ZNF670: variants seen among roughly 807,000 people sequenced by gnomAD.
ZNF670 encodes the protein zinc finger protein 670.
A neutral mutation model predicts 10.9 loss-of-function variants in ZNF670; 7 were observed. That is an observed-to-expected ratio of 0.64 (90% CI 0.36 to 1.20). The LOEUF (loss-of-function observed/expected upper bound fraction) is 1.20, where lower values mean the gene tolerates loss of function less well. Ranked by LOEUF, ZNF670 falls within the 50% of genes most tolerant of loss-of-function variation. The probability of loss-of-function intolerance (pLI) is 0.02; values close to 1 mark genes in which losing one functional copy is unlikely to be tolerated. For missense variants in ZNF670, 446 were observed against 458.6 expected (o/e 0.97, Z 0.25); for synonymous variants, 136 against 152.7 (o/e 0.89, Z 0.81).
intron 1 of ZNF670, among the ~76,000 whole-genome samples, chr1:247,056,976 C>A (rs1388343561): frequency 3.3e-5 from 5 of 152,102 alleles, no homozygotes; most frequent in Non-Finnish European, 5.9e-5. Flanking sequence ...GCACAGGAGA[C>A]CAAACCAAAC....
intron 1 of ZNF670, among the ~76,000 whole-genome samples, chr1:247,065,612 G>C (rs978654971): frequency 2.0e-5 from 3 of 152,138 alleles, no homozygotes; most frequent in African/African-American, 7.2e-5. Context: ...TATGTTTAAA[G>C]GGGGGAGGGG....
intron 1 of ZNF670, among the ~76,000 whole-genome samples, chr1:247,048,935 G>A (rs963498593): frequency 6.6e-6 from 1 of 152,080 alleles, no homozygotes; most frequent in Non-Finnish European, 1.5e-5. Context: ...GGTCTGTTTA[G>A]AGTTTCTATT....
At chr1:247,074,936 C>T (rs1175635798) in intron 1 of ZNF670, among the ~76,000 whole-genome samples, 1 of 152,182 alleles carries the variant, frequency 6.6e-6, no homozygotes, top group Non-Finnish European at 1.5e-5. Flanking sequence ...AAATTACACC[C>T]TTAAAAAGGG....
intron 1 of ZNF670, among the ~76,000 whole-genome samples, chr1:247,069,330 C>CA (rs1410859726): frequency 6.7e-6 from 1 of 149,520 alleles, no homozygotes; most frequent in Non-Finnish European, 1.5e-5. Flanking sequence ...TTAAAGAAGA[C>CA]AAAAAAAGGT....
At position 247,036,109 on chromosome 1, in the gene ZNF670, T is replaced by C. The variant is rs1670143587; in HGVS notation, c.*1340A>G. On this transcript the variant is annotated 3_prime_UTR_variant, in exon 4 of 4. Coordinates refer to ENST00000366503, the MANE Select transcript of ZNF670 (RefSeq NM_033213.5). ...TAATATATTTATATCTGAAAGCCAGTTAACGTAATAGACTATCAGTAGAAT... is the reference window on the plus strand; with the variant it reads ...TAATATATTTATATCTGAAAGCCAGCTAACGTAATAGACTATCAGTAGAAT... Among the ~76,000 whole-genome samples, 1 of 152,102 alleles carries C rather than the reference T, an allele frequency of 6.6e-6. No individual in the cohort carries two copies. The highest frequency in any genetic ancestry group is 6.6e-5 in the Admixed American group (1 of 15,266).
rs180802790 is a variant in ZNF670 at position 247,073,646 on chromosome 1, T to C, written c.3+4948A>G. On this transcript the variant is annotated intron_variant, in intron 1 of 3. Coordinates refer to ENST00000366503, the MANE Select transcript of ZNF670 (RefSeq NM_033213.5). ...AGTCCTTTTTCTGATACCAAATGTG[T>C]GGACTTTGCTGAACACCAACCAATT... 3.0e-3 allele frequency among the ~76,000 whole-genome samples: 453 copies of C among 152,294 alleles called. 5 individuals carry two copies. Among genetic ancestry groups the C allele is most frequent in the African/African-American group, 0.011 (437 of 41,548 alleles).
chr1:247,074,817 C>T (rs529615374), intron 1 of ZNF670, among the ~76,000 whole-genome samples: 2 of 152,314 alleles, frequency 1.3e-5, no homozygotes, highest in Admixed American at 1.3e-4. Context: ...TCACCTCCTG[C>T]TGCATGGCCT....
Position 247,038,370 on chromosome 1 carries a change from G to A in ZNF670, c.249C>T (p.Thr83=), listed in dbSNP as rs2103050908. 3 of 1,613,878 alleles carry A rather than the reference G, an allele frequency of 1.9e-6. No individual in the cohort carries two copies. Among genetic ancestry groups the A allele is most frequent in the Non-Finnish European group, 2.5e-6 (3 of 1,179,966 alleles). The change falls in exon 4 of 4, where the codon ACC becomes ACT. Residue 83 remains threonine, a synonymous_variant. Coordinates refer to ENST00000366503, the MANE Select transcript of ZNF670 (RefSeq NM_033213.5). Reference sequence around the variant, plus strand: ...GATTCAAATTTGAATCCTGGCTGAAGGTTTCTCCATATTGACTGCCTTCTT... The same window carrying A: ...GATTCAAATTTGAATCCTGGCTGAAAGTTTCTCCATATTGACTGCCTTCTT... ...EIKEGSQYGE[T]FSQDSNLNLN... is the part of the protein sequence containing the mutation.
chr1:247,059,303 G>A (rs150578020), intron 1 of ZNF670, among the ~76,000 whole-genome samples: 4,117 of 151,730 alleles, frequency 0.027, 197 homozygotes, highest in African/African-American at 0.092. Flanking sequence ...AAAATTAGCC[G>A]GGCGTGGTGG....
Position 247,036,623 on chromosome 1 carries a change from A to G in ZNF670, c.*826T>C, listed in dbSNP as rs1037939790. On this transcript the variant is annotated 3_prime_UTR_variant, in exon 4 of 4. Transcript: ENST00000366503. ...GCTGCAGTGAGCTAAGACTATTATT[A>G]CCACTACACTTCAGCCTAGCTGACA... 6.6e-6 allele frequency among the ~76,000 whole-genome samples: 1 copy of G among 152,206 alleles called. No individual in the cohort carries two copies. Among genetic ancestry groups the G allele is most frequent in the Admixed American group, 6.5e-5 (1 of 15,284 alleles).
rs1350068996 is a variant in ZNF670 at position 247,078,575 on chromosome 1, A to T, written c.3+19T>A. On this transcript the variant is annotated intron_variant, in intron 1 of 3. Coordinates refer to ENST00000366503, the MANE Select transcript of ZNF670 (RefSeq NM_033213.5). Reference sequence around the variant, plus strand: ...GGTTCCCTTTTCCCCTTCCCGAGACACCTGGCCGGCACACTCACCATTTCC... The same window carrying T: ...GGTTCCCTTTTCCCCTTCCCGAGACTCCTGGCCGGCACACTCACCATTTCC... 6.2e-7 allele frequency: 1 copy of T among 1,613,060 alleles called. No individual in the cohort carries two copies. Among genetic ancestry groups the T allele is most frequent in the South Asian group, 1.1e-5 (1 of 90,984 alleles).
At chr1:247,064,242 C>A (rs1320613793) in intron 1 of ZNF670, among the ~76,000 whole-genome samples, 1 of 152,224 alleles carries the variant, frequency 6.6e-6, no homozygotes, top group East Asian at 1.9e-4. Flanking sequence ...CTGGAACCTC[C>A]TTGATCAGAG....
At chr1:247,077,286 C>T (rs1264586813) in intron 1 of ZNF670, among the ~76,000 whole-genome samples, 2 of 152,174 alleles carry the variant, frequency 1.3e-5, no homozygotes, top group Admixed American at 6.5e-5. Flanking sequence ...GCTCTACTTC[C>T]ATATTTTAAA....
chr1:247,058,567 C>T (rs1051772509), intron 1 of ZNF670, among the ~76,000 whole-genome samples: 1 of 151,934 alleles, frequency 6.6e-6, no homozygotes, highest in African/African-American at 2.4e-5. Flanking sequence ...AGAAAATCAA[C>T]AATAACAAAA....
At chr1:247,067,436 A>C (rs113009878) in intron 1 of ZNF670, among the ~76,000 whole-genome samples, 179 of 58,350 alleles carry the variant, frequency 3.1e-3, no homozygotes, top group African/African-American at 0.014. Flanking sequence ...ATCCCGTCTC[A>C]AAAAAAAAAA....
At chr1:247,042,490 G>C (rs1354024588) in intron 1 of ZNF670, among the ~76,000 whole-genome samples, 1 of 152,224 alleles carries the variant, frequency 6.6e-6, no homozygotes, top group Non-Finnish European at 1.5e-5. Flanking sequence ...TTTGAATGAG[G>C]AAGAAAAGGA....
intron 1 of ZNF670, among the ~76,000 whole-genome samples, chr1:247,057,476 C>T (rs907693877): frequency 5.3e-5 from 8 of 152,134 alleles, no homozygotes; most frequent in Admixed American, 5.2e-4. Flanking sequence ...TGACGGCAAT[C>T]CCACTCCTAG....
At chr1:247,042,310 G>A (rs114183413) in intron 1 of ZNF670, among the ~76,000 whole-genome samples, 63 of 152,330 alleles carry the variant, frequency 4.1e-4, no homozygotes, top group African/African-American at 1.4e-3. Context: ...AAGTCATTGC[G>A]AGAGAAGACA....
intron 1 of ZNF670, among the ~76,000 whole-genome samples, chr1:247,057,766 G>A (rs923451728): frequency 1.3e-5 from 2 of 152,150 alleles, no homozygotes; most frequent in Non-Finnish European, 2.9e-5. Context: ...TCACTTACTT[G>A]TGAGAACTGA....
Sources: gnomAD v4.1 joint callset for allele counts (sites outside exome capture counted in the v4.1 genomes callset) on GRCh38, gnomAD v4.1.1 for gene constraint, MANE v1.5 for transcripts, NCBI Gene and HGNC (gene_info 2026-07-23, HGNC 2026-07-21) for gene names.